The following PTCHD4 variants were observed in gnomAD, a reference collection of about 807,000 sequenced individuals.
The protein encoded by PTCHD4 is patched domain-containing protein 4.
A neutral mutation model predicts 58.1 loss-of-function variants in PTCHD4; 33 were observed. That is an observed-to-expected ratio of 0.57 (90% CI 0.43 to 0.76). The LOEUF (loss-of-function observed/expected upper bound fraction) is 0.76, where lower values mean the gene tolerates loss of function less well. Ranked by LOEUF, PTCHD4 falls within the 30% of genes least tolerant of loss-of-function variation. The pLI is 0.00. For missense variants in PTCHD4, 1,058 were observed against 1,027.1 expected, an observed-to-expected ratio of 1.03 and a Z score of -0.41; for synonymous variants, 478 against 409.6, an observed-to-expected ratio of 1.17 and a Z score of -2.02.
intron 1 of PTCHD4, among the ~76,000 whole-genome samples, chr6:48,084,780 GTC>G (rs900159198): frequency 2.1e-5 from 3 of 141,668 alleles, no homozygotes; most frequent in African/African-American, 7.9e-5. Context: ...GTCTCCCAGT[GTC>G]ACTCAGGCCG....
intron 4 of PTCHD4, among the ~76,000 whole-genome samples, chr6:47,934,143 C>T (rs568330529): frequency 6.6e-6 from 1 of 152,244 alleles, no homozygotes; most frequent in South Asian, 2.1e-4. Flanking sequence ...CTCCAACTAG[C>T]TTGCCCACTG....
At chr6:47,992,346 G>A (rs948035572) in intron 4 of PTCHD4, among the ~76,000 whole-genome samples, 2 of 152,088 alleles carry the variant, frequency 1.3e-5, no homozygotes, top group African/African-American at 4.8e-5. Context: ...AACATATGTG[G>A]TGAAACTATG....
Position 48,068,536 on chromosome 6 carries a change from C to G in PTCHD4, c.111G>C (p.Arg37=), listed in dbSNP as rs755850379. ...FCHRLGLCVS[R]HPVFFLTVPA... ...GCACGGTGAGGAAAAAGACCGGGTG[C>G]CGGCTCACGCACAAACCCAGCCTGT... is the stretch of plus-strand genomic sequence containing the variant. The change falls in exon 3 of 5, where the codon CGG becomes CGC. Residue 37 remains arginine, a synonymous_variant. Transcript: ENST00000339488. This position sits in a 1 kb window ranked among gnomAD's most constrained non-coding sequence, Gnocchi z 4.2. The G allele has an allele frequency of 5.0e-6, 8 of 1,609,306 alleles. No individual in the cohort carries two copies. Among genetic ancestry groups the G allele is most frequent in the Admixed American group, 1.7e-5 (1 of 59,702 alleles).
At chr6:47,914,459 T>C (rs1765168470) in intron 4 of PTCHD4, among the ~76,000 whole-genome samples, 1 of 152,008 alleles carries the variant, frequency 6.6e-6, no homozygotes, top group South Asian at 2.1e-4. Context: ...TCTCTCTGAC[T>C]GAATGTTTTT....
chr6:48,027,943 T>C (rs1763302122), intron 3 of PTCHD4, among the ~76,000 whole-genome samples: 4 of 152,020 alleles, frequency 2.6e-5, no homozygotes, highest in Admixed American at 2.0e-4. Flanking sequence ...TTTTTTGTTC[T>C]GGTTTTTTGT....
chr6:48,059,097 G>A (rs1345757503), intron 3 of PTCHD4, among the ~76,000 whole-genome samples: 1 of 152,202 alleles, frequency 6.6e-6, no homozygotes, highest in Non-Finnish European at 1.5e-5. Context: ...ACCAGGTGCT[G>A]TTCTAAGCAC....
At chr6:48,091,544 T>G (rs1765365365) in intron 1 of PTCHD4, among the ~76,000 whole-genome samples, 1 of 152,204 alleles carries the variant, frequency 6.6e-6, no homozygotes, top group Admixed American at 6.5e-5. Flanking sequence ...TACAGAACTT[T>G]GGACCACACC....
At chr6:48,075,798 G>T (rs1317560667) in intron 1 of PTCHD4, among the ~76,000 whole-genome samples, 1 of 152,166 alleles carries the variant, frequency 6.6e-6, no homozygotes, top group East Asian at 1.9e-4. Flanking sequence ...TAATATTTCA[G>T]CAAGTTGTAA....
intron 3 of PTCHD4, among the ~76,000 whole-genome samples, chr6:48,044,975 C>T (rs932010461): frequency 6.6e-6 from 1 of 151,756 alleles, no homozygotes; most frequent in African/African-American, 2.4e-5. Flanking sequence ...ATTATGCAAT[C>T]CCACACATTA....
At chr6:48,030,773 A>G (rs1194645953) in intron 3 of PTCHD4, among the ~76,000 whole-genome samples, 3 of 152,152 alleles carry the variant, frequency 2.0e-5, no homozygotes, top group South Asian at 2.1e-4. Context: ...CCAACCAAAC[A>G]TCTAGAAATC....
chr6:47,888,575 C>T (rs1245278268), intron 4 of PTCHD4, among the ~76,000 whole-genome samples: 2 of 152,246 alleles, frequency 1.3e-5, no homozygotes, highest in East Asian at 1.9e-4. Context: ...AGATAAAAGA[C>T]ATATAGTCTC....
chr6:47,996,014 T>G (rs1238845381), intron 4 of PTCHD4, among the ~76,000 whole-genome samples: 2 of 152,228 alleles, frequency 1.3e-5, no homozygotes, highest in South Asian at 2.1e-4. Flanking sequence ...AGGGTACATG[T>G]GCAGGTTTGT....
chr6:48,090,834 G>A (rs1014130210), intron 1 of PTCHD4, among the ~76,000 whole-genome samples: 1 of 152,194 alleles, frequency 6.6e-6, no homozygotes, highest in Non-Finnish European at 1.5e-5. Context: ...CATGACAGAT[G>A]TAAAGTCACA....
chr6:48,041,988 G>A (rs753534879), intron 3 of PTCHD4, among the ~76,000 whole-genome samples: 21 of 152,012 alleles, frequency 1.4e-4, no homozygotes, highest in South Asian at 2.1e-4. Context: ...ATGCACAGAA[G>A]CATATTGACA....
At chr6:47,969,043 A>G (rs1039049476) in intron 4 of PTCHD4, among the ~76,000 whole-genome samples, 1 of 152,194 alleles carries the variant, frequency 6.6e-6, no homozygotes, top group African/African-American at 2.4e-5. Flanking sequence ...AGAACTATTT[A>G]TTTCTCATGG....
chr6:47,992,617 A>G (rs2814476), intron 4 of PTCHD4, among the ~76,000 whole-genome samples: 106,789 of 152,078 alleles, frequency 0.7, 37,576 homozygotes, highest in East Asian at 0.84. Flanking sequence ...AGAATGCATA[A>G]TAACATATAT....
At chr6:47,907,938 G>A (rs1010103582) in intron 4 of PTCHD4, among the ~76,000 whole-genome samples, 2 of 152,116 alleles carry the variant, frequency 1.3e-5, no homozygotes, top group African/African-American at 4.8e-5. Flanking sequence ...GGAGGATTTT[G>A]GAGAGGAGGA....
intron 4 of PTCHD4, among the ~76,000 whole-genome samples, chr6:48,002,389 G>C (rs1285348475): frequency 1.3e-5 from 2 of 152,146 alleles, no homozygotes; most frequent in African/African-American, 4.8e-5. Flanking sequence ...ACTGGATTAA[G>C]AAAATGTGGC....
Position 47,857,500 on chromosome 6 carries a change from T to C in PTCHD4, c.*20803A>G, listed in dbSNP as rs1009753569. On this transcript the variant is annotated 3_prime_UTR_variant, in exon 5 of 5. Coordinates refer to ENST00000339488, the MANE Select transcript of PTCHD4 (RefSeq NM_001384253.1). ...CTAACCCTTGGGTTCAAACAATAAA[T>C]GAGGAGTCTGGGTAGTACATGAAGT... 2.6e-5 allele frequency among the ~76,000 whole-genome samples: 4 copies of C among 151,998 alleles called. No individual in the cohort carries two copies. Among genetic ancestry groups the C allele is most frequent in the Admixed American group, 6.6e-5 (1 of 15,220 alleles).
Sources: gnomAD v4.1 joint callset for allele counts (sites outside exome capture counted in the v4.1 genomes callset) on GRCh38, gnomAD v4.1.1 for gene constraint, Gnocchi (gnomAD v3.1) non-coding constraint, MANE v1.5 for transcripts, NCBI Gene and HGNC (gene_info 2026-07-23, HGNC 2026-07-21) for gene names.